GALNT1: variants seen among roughly 807,000 people sequenced by gnomAD.
GALNT1 encodes GalNAc transferase 1.
A neutral mutation model predicts 65.7 loss-of-function variants in GALNT1; 17 were observed. The observed-to-expected ratio is 0.26, with a 90% CI of 0.18 to 0.39. The LOEUF (loss-of-function observed/expected upper bound fraction) is 0.39, where lower values mean the gene tolerates loss of function less well. Ranked by LOEUF, GALNT1 falls within the 10% of genes least tolerant of loss-of-function variation. The pLI is 1.00. For synonymous variants in GALNT1, 210 were observed against 219.7 expected (o/e 0.96, Z 0.39); for missense variants, 460 against 672.8 (o/e 0.68, Z 3.50).
chr18:35,699,204 A>G (rs1272189796), intron 9 of GALNT1, among the ~76,000 whole-genome samples: 1 of 152,280 alleles, frequency 6.6e-6, no homozygotes, highest in South Asian at 2.1e-4. Context: ...ATCATAACAT[A>G]ATTCATAGGG....
At chr18:35,630,778 A>G (rs2046995443) in intron 1 of GALNT1, among the ~76,000 whole-genome samples, 1 of 152,194 alleles carries the variant, frequency 6.6e-6, no homozygotes, top group South Asian at 2.1e-4. Flanking sequence ...GGTTTTTTGA[A>G]AAGATCAACA....
At chr18:35,587,635 G>T (rs1020407494) in intron 1 of GALNT1, among the ~76,000 whole-genome samples, 9 of 152,098 alleles carry the variant, frequency 5.9e-5, no homozygotes, top group Non-Finnish European at 1.0e-4. Context: ...TGTCAATATG[G>T]TGCATTGTAT....
In GALNT1 at chr18:35,636,793, T is replaced by G. The variant is rs559628045; in HGVS notation, c.-103-17767T>G. ...CACAGATACTACTTTGTTTTTTTTTTTTTTTTTTTTTTTTTCAACAAATGG... is the reference window on the plus strand; with the variant it reads ...CACAGATACTACTTTGTTTTTTTTTGTTTTTTTTTTTTTTTCAACAAATGG... On this transcript the variant is annotated intron_variant, in intron 1 of 11. Transcript: ENST00000269195. 1.1e-3 allele frequency among the ~76,000 whole-genome samples: 168 copies of G among 146,742 alleles called. 2 individuals carry two copies. In the East Asian group the frequency reaches 0.024, roughly 21 times the overall value.
chr18:35,651,572 C>G (rs1434522725), intron 1 of GALNT1, among the ~76,000 whole-genome samples: 1 of 152,174 alleles, frequency 6.6e-6, no homozygotes, highest in East Asian at 1.9e-4. Context: ...GGACAGTTCT[C>G]TTCAGCTCTG....
chr18:35,581,998 C>CACGCTCGGCGCGGGT (rs1233893318), intron 1 of GALNT1, 136 bp downstream of exon 1: 6 of 152,002 alleles, frequency 3.9e-5, no homozygotes, highest in African/African-American at 9.6e-5. Context: ...GGGGCGCGGG[C>CACGCTCGGCGCGGGT]ACGCTCGGCG....
Position 35,581,870 on chromosome 18 carries a change from TA to T in GALNT1, c.-104+9del, listed in dbSNP as rs200797068. The T allele has an allele frequency of 1, 145,706 of 145,710 alleles. 72,851 individuals carry two copies. The highest frequency in any genetic ancestry group is 1 in the Middle Eastern group (288 of 288). The allele number at this position is 145,710 out of a possible 1,614,324, so 9.0% of individuals were successfully genotyped here. Reference sequence around the variant, plus strand: ...CGCCGCGCGCCTAGCGAGGTGAGTGTATCGCCCGCGGCTGGGCAGTCCCGGA... The same window carrying T: ...CGCCGCGCGCCTAGCGAGGTGAGTGTTCGCCCGCGGCTGGGCAGTCCCGGA... On this transcript the variant is annotated intron_variant, in intron 1 of 11. Coordinates refer to ENST00000269195, the MANE Select transcript of GALNT1 (RefSeq NM_020474.4).
chr18:35,635,227 G>C (rs892085683), intron 1 of GALNT1, among the ~76,000 whole-genome samples: 1 of 152,148 alleles, frequency 6.6e-6, no homozygotes, highest in African/African-American at 2.4e-5. Context: ...GTGAGTGATA[G>C]AGACACATGC....
intron 1 of GALNT1, among the ~76,000 whole-genome samples, chr18:35,610,961 C>T (rs533065576): frequency 1.2e-4 from 18 of 152,192 alleles, no homozygotes; most frequent in African/African-American, 4.3e-4. Context: ...GAGGGAATGA[C>T]AGTAAACAGG....
At chr18:35,620,317 C>T (rs563675908) in intron 1 of GALNT1, among the ~76,000 whole-genome samples, 92 of 152,272 alleles carry the variant, frequency 6.0e-4, no homozygotes, top group Non-Finnish European at 1.1e-3. Flanking sequence ...TCCCATATTC[C>T]CACCCACTGA....
intron 1 of GALNT1, among the ~76,000 whole-genome samples, chr18:35,610,526 A>G (rs535260922): frequency 3.3e-5 from 5 of 152,270 alleles, no homozygotes; most frequent in Non-Finnish European, 7.4e-5. Flanking sequence ...ACTGGCATTT[A>G]ATAAATGTTT....
intron 3 of GALNT1, among the ~76,000 whole-genome samples, chr18:35,666,241 A>ATGATT (rs1349186414): frequency 6.6e-6 from 1 of 152,248 alleles, no homozygotes; most frequent in East Asian, 1.9e-4. Context: ...GTTTACTACT[A>ATGATT]CATGGCTTAG....
chr18:35,613,275 G>A (rs1184299338), intron 1 of GALNT1, among the ~76,000 whole-genome samples: 2 of 152,056 alleles, frequency 1.3e-5, no homozygotes, highest in Admixed American at 1.3e-4. Context: ...AGAAGTGGAT[G>A]TACATTTCTT....
chr18:35,692,374 A>AT (rs1331976672), intron 9 of GALNT1, 54 bp downstream of exon 9: 8 of 1,165,678 alleles, frequency 6.9e-6, no homozygotes, highest in Non-Finnish European at 9.0e-6. Context: ...TTACTTTTTT[A>AT]TTAAAAAAAA....
At chr18:35,645,615 A>G (rs2047221431) in intron 1 of GALNT1, among the ~76,000 whole-genome samples, 1 of 152,230 alleles carries the variant, frequency 6.6e-6, no homozygotes, top group Admixed American at 6.5e-5. Flanking sequence ...CATCTGCCTT[A>G]TGAAATCAAT....
At chr18:35,623,658 C>G (rs2046882841) in intron 1 of GALNT1, among the ~76,000 whole-genome samples, 1 of 152,168 alleles carries the variant, frequency 6.6e-6, no homozygotes, top group Non-Finnish European at 1.5e-5. Flanking sequence ...TTTAAATGGA[C>G]TAACCCTGTA....
chr18:35,629,154 T>C (rs1378870038), intron 1 of GALNT1, among the ~76,000 whole-genome samples: 1 of 152,134 alleles, frequency 6.6e-6, no homozygotes, highest in Non-Finnish European at 1.5e-5. Flanking sequence ...CAGGATATTA[T>C]CCAGGAGAAC....
At chr18:35,672,380 T>C (rs1418527855) in intron 3 of GALNT1, among the ~76,000 whole-genome samples, 1 of 152,230 alleles carries the variant, frequency 6.6e-6, no homozygotes, top group East Asian at 1.9e-4. Flanking sequence ...TATTAGATGG[T>C]ATTTTCTTCA....
intron 1 of GALNT1, among the ~76,000 whole-genome samples, chr18:35,622,304 T>C (rs1294883753): frequency 3.3e-5 from 5 of 152,124 alleles, no homozygotes; most frequent in Non-Finnish European, 7.3e-5. Context: ...GAGGCTGGAG[T>C]GCAGTGGCAT....
chr18:35,706,857 CAG>C (rs923468309), intron 11 of GALNT1, among the ~76,000 whole-genome samples: 59 of 152,264 alleles, frequency 3.9e-4, no homozygotes, highest in African/African-American at 1.4e-3. Flanking sequence ...AGAAAAATAA[CAG>C]AATACTTATG....
Sources: allele counts gnomAD v4.1 joint callset (sites outside exome capture counted in the v4.1 genomes callset), GRCh38; gene constraint gnomAD v4.1.1; transcripts MANE v1.5; gene names NCBI Gene and HGNC (gene_info 2026-07-23, HGNC 2026-07-21).